The following MOBP variants were observed in gnomAD, a reference collection of about 807,000 sequenced individuals.
MOBP encodes myelin-associated oligodendrocyte basic protein.
In MOBP, 5 loss-of-function variants were observed where a neutral mutation model predicts 15.0. The observed-to-expected ratio is 0.33, with a 90% CI of 0.17 to 0.70. MOBP has a LOEUF of 0.70. Among genes scored for constraint, MOBP ranks in the 30% least tolerant of loss-of-function variants. MOBP has a pLI of 0.67. For missense variants in MOBP, 188 were observed against 257.8 expected (o/e 0.73, Z 1.85); for synonymous variants, 88 against 99.0 (o/e 0.89, Z 0.66).
exon 5 of MOBP, chr3:39,514,771 C>G (rs919535920): frequency 6.6e-6 from 1 of 152,312 alleles, no homozygotes; most frequent in African/African-American, 2.4e-5. Context: ...CTATCTGTAG[C>G]CCAAAACTCT....
downstream of MOBP, chr3:39,526,849 T>C (rs1028579749): frequency 7.0e-6 from 1 of 141,884 alleles, no homozygotes; most frequent in African/African-American, 2.6e-5. Flanking sequence ...CGACCTTGGC[T>C]CACTGCAATC....
intron 2 of MOBP, among the ~76,000 whole-genome samples, chr3:39,483,981 T>C (rs2042664160): frequency 6.6e-6 from 1 of 152,218 alleles, no homozygotes; most frequent in Non-Finnish European, 1.5e-5. Flanking sequence ...CGTTCGTTCA[T>C]TAAGTGGATG....
chr3:39,495,568 C>T (rs916125748), intron 2 of MOBP, among the ~76,000 whole-genome samples: 1 of 150,946 alleles, frequency 6.6e-6, no homozygotes, highest in East Asian at 1.9e-4. Context: ...TCACTTGAGC[C>T]CAGGGAGAGC....
At chr3:39,478,516 T>C (rs966410633) in intron 1 of MOBP, among the ~76,000 whole-genome samples, 3 of 152,178 alleles carry the variant, frequency 2.0e-5, no homozygotes, top group Non-Finnish European at 2.9e-5. Flanking sequence ...TTGTCTGTTA[T>C]TCTCCCCTCC....
At chr3:39,492,399 A>G (rs1402954584) in intron 2 of MOBP, among the ~76,000 whole-genome samples, 1 of 152,270 alleles carries the variant, frequency 6.6e-6, no homozygotes, top group East Asian at 1.9e-4. Context: ...AGAAATAGTC[A>G]TGTTAGGGAA....
downstream of MOBP, chr3:39,503,108 A>G: frequency 2.1e-6 from 1 of 484,244 alleles, no homozygotes; most frequent in East Asian, 3.4e-5. Context: ...TCCGTTGTCT[A>G]ATAGGACTGG....
chr3:39,470,046 C>T (rs978338341), intron 1 of MOBP, among the ~76,000 whole-genome samples: 8 of 152,126 alleles, frequency 5.3e-5, no homozygotes, highest in Non-Finnish European at 8.8e-5. Context: ...ATAATAATTC[C>T]TTTCTAAGTG....
At position 39,500,120 on chromosome 3, in the gene MOBP, A is replaced by G. The variant is rs1168156191; in HGVS notation, c.-4-1946A>G. 7 of 454,786 alleles carry G rather than the reference A, an allele frequency of 1.5e-5. No individual in the cohort carries two copies. In the East Asian group the frequency reaches 2.8e-4, roughly 18 times the overall value. 28.2% of individuals were successfully genotyped at this position (454,786 alleles called of 1,614,324 possible). ...TCTGCTCTACCCACTTCCTCATCTC[A>G]GTGACTTGTACTTATTTGGTCTCAG... is the stretch of plus-strand genomic sequence containing the variant. On this transcript the variant is annotated intron_variant, in intron 2 of 3. Transcript: ENST00000684792.
intron 3 of MOBP, among the ~76,000 whole-genome samples, chr3:39,522,756 A>G (rs895823816): frequency 1.3e-5 from 2 of 152,216 alleles, no homozygotes; most frequent in African/African-American, 4.8e-5. Context: ...GGTTCCGTAT[A>G]CTGTAAGATT....
chr3:39,499,250 G>A (rs1006607317), intron 2 of MOBP, among the ~76,000 whole-genome samples: 3 of 152,136 alleles, frequency 2.0e-5, no homozygotes, highest in Non-Finnish European at 4.4e-5. Context: ...ACCTATGTAG[G>A]ACTTGGGGAA....
chr3:39,493,837 A>G (rs1314867259), intron 2 of MOBP, among the ~76,000 whole-genome samples: 1 of 152,166 alleles, frequency 6.6e-6, no homozygotes, highest in African/African-American at 2.4e-5. Flanking sequence ...TTGCTGTGCA[A>G]CTGTTGAGTG....
At chr3:39,485,578 A>C (rs895030038) in intron 2 of MOBP, among the ~76,000 whole-genome samples, 1 of 152,202 alleles carries the variant, frequency 6.6e-6, no homozygotes, top group Non-Finnish European at 1.5e-5. Context: ...TTGGACCCCC[A>C]GTTATTATTC....
exon 5 of MOBP, chr3:39,514,891 G>C (rs899659709): frequency 6.6e-6 from 1 of 152,448 alleles, no homozygotes; most frequent in Non-Finnish European, 1.5e-5. Context: ...AACACATGCT[G>C]TGGGGAGGGA....
intron 2 of MOBP, among the ~76,000 whole-genome samples, chr3:39,486,305 G>T (rs536415762): frequency 6.6e-6 from 1 of 152,126 alleles, no homozygotes; most frequent in African/African-American, 2.4e-5. Flanking sequence ...AGTTAAATAC[G>T]TGAAGCCCTT....
At chr3:39,483,613 A>G (rs79228787) in intron 2 of MOBP, among the ~76,000 whole-genome samples, 3,127 of 152,340 alleles carry the variant, frequency 0.021, 60 homozygotes, top group East Asian at 0.053. Context: ...ATAAAACAAT[A>G]CAATTTGGGA....
chr3:39,479,807 T>C (rs927664408), intron 1 of MOBP, among the ~76,000 whole-genome samples: 4 of 135,724 alleles, frequency 2.9e-5, no homozygotes, highest in East Asian at 4.1e-4. Flanking sequence ...ACTGGACATA[T>C]AGCTTTTTTT....
At chr3:39,507,075 C>G (rs1441945559), downstream of MOBP, among the ~76,000 whole-genome samples, 1 of 152,168 alleles carries the variant, frequency 6.6e-6, no homozygotes, top group Non-Finnish European at 1.5e-5. Context: ...CTACTGAGCT[C>G]TCTGCTTATA....
chr3:39,523,056 A>G (rs1355181754), intron 3 of MOBP, among the ~76,000 whole-genome samples: 3 of 152,230 alleles, frequency 2.0e-5, no homozygotes, highest in African/African-American at 4.8e-5. Flanking sequence ...AGTATCTAGA[A>G]GTAGATGACA....
chr3:39,495,144 C>T (rs975339453), intron 2 of MOBP, among the ~76,000 whole-genome samples: 2 of 152,162 alleles, frequency 1.3e-5, no homozygotes, highest in African/African-American at 4.8e-5. Flanking sequence ...CAGAAATGCA[C>T]AGTCTTTGCA....
Sources: allele counts gnomAD v4.1 joint callset (sites outside exome capture counted in the v4.1 genomes callset), GRCh38; gene constraint gnomAD v4.1.1; transcripts MANE v1.5; gene names NCBI Gene and HGNC (gene_info 2026-07-23, HGNC 2026-07-21).